MMP28: variants seen among roughly 807,000 people sequenced by gnomAD.
MMP28 encodes the protein matrix metallopeptidase 28.
In MMP28, 55 loss-of-function variants were observed where a neutral mutation model predicts 60.5. The observed-to-expected ratio is 0.91, with a 90% confidence interval of 0.73 to 1.14. The LOEUF is 1.14. Among genes scored for constraint, MMP28 ranks in the 50% most tolerant of loss-of-function variants. The pLI is 0.00. For missense variants in MMP28, 686 were observed against 738.3 expected (o/e 0.93, Z 0.82); for synonymous variants, 318 against 312.5 (o/e 1.02, Z -0.18).
In MMP28 at chr17:35,767,774, A is replaced by C; in HGVS notation, c.1146T>G (p.Asp382Glu). 1 of 1,570,528 alleles carries C rather than the reference A, an allele frequency of 6.4e-7. No individual in the cohort carries two copies. The highest frequency in any genetic ancestry group is 8.6e-7 in the Non-Finnish European group (1 of 1,158,162). ...TACCTTTGAAGAAGTAGAAATCTCC[A>C]TCATTCAATGACACTGCCGCAGCCT... The part of the protein sequence containing the change: ...NIEAAAVSLN[D>E]GDFYFFKGGR... The change falls in exon 7 of 8, where the codon GAT becomes GAG. Residue 382 changes from aspartate to glutamate, a missense_variant. By Grantham distance (45) the Asp-to-Glu change is conservative (BLOSUM62 2). Transcript: ENST00000605424.
intron 4 of MMP28, among the ~76,000 whole-genome samples, chr17:35,770,553 T>A (rs1555605232): frequency 6.6e-6 from 1 of 152,202 alleles, no homozygotes; most frequent in African/African-American, 2.4e-5. Flanking sequence ...GGTGTAGATA[T>A]GGCATGGGCC....
downstream of MMP28, among the ~76,000 whole-genome samples, chr17:35,761,623 G>A (rs1341834501): frequency 6.6e-6 from 1 of 152,094 alleles, no homozygotes; most frequent in Non-Finnish European, 1.5e-5. Context: ...ACCTGCTCCT[G>A]TTCAGACCTT....
chr17:35,790,629 G>A (rs948831309), intron 1 of MMP28, among the ~76,000 whole-genome samples: 1 of 151,950 alleles, frequency 6.6e-6, no homozygotes, highest in Admixed American at 6.6e-5. Flanking sequence ...GTTCCAAAAG[G>A]CCACATATAA....
At chr17:35,769,000 G>A (rs2086035513) in intron 5 of MMP28, among the ~76,000 whole-genome samples, 2 of 152,192 alleles carry the variant, frequency 1.3e-5, no homozygotes, top group Admixed American at 1.3e-4. Flanking sequence ...CAGGTGTCAT[G>A]AGGGCAGAGT....
Position 35,766,869 on chromosome 17 carries a change from GC to G in MMP28, c.1193del (p.Gly398AlafsTer154). The stretch of plus-strand genomic sequence containing the variant: ...GTGGGAGACCCCACACTGGCTTGGG[GC>G]CCCGGAACCTCCAGCATCGACCCCC... The part of the protein sequence containing the change: ...FKGGRCWRFR[G>X]PKPVWGLPQL... On this transcript the variant is annotated frameshift_variant, in exon 8 of 8. Transcript: ENST00000605424. LOFTEE classifies it high-confidence loss of function. This position sits in a 1 kb window ranked among gnomAD's most constrained non-coding sequence, Gnocchi z 4.3. 2 of 1,579,692 alleles carry G rather than the reference GC, an allele frequency of 1.3e-6. No homozygotes were observed. Among genetic ancestry groups the G allele is most frequent in the Admixed American group, 1.8e-5 (1 of 55,616 alleles).
intron 1 of MMP28, among the ~76,000 whole-genome samples, chr17:35,781,923 A>G (rs958764364): frequency 3.3e-5 from 5 of 151,632 alleles, no homozygotes; most frequent in African/African-American, 1.2e-4. Flanking sequence ...TGCAGTGGCT[A>G]TTCACTGGCA....
Position 35,759,868 on chromosome 17 carries a change from G to A in MMP28, c.266-3449C>T, listed in dbSNP as rs587728266. On this transcript the variant is annotated intron_variant, in intron 2 of 2. Transcript: ENST00000615317. ...ACAGGCCAAAGTTGCTGTGCCACGA[G>A]TAATAAAGTCCTTTGTCTCTGACTT... 2.6e-5 allele frequency among the ~76,000 whole-genome samples: 4 copies of A among 152,320 alleles called. No homozygotes were observed. In the East Asian group the frequency reaches 7.7e-4, roughly 29 times the overall value.
At chr17:35,762,142 T>C (rs2143086027), downstream of MMP28, among the ~76,000 whole-genome samples, 1 of 152,196 alleles carries the variant, frequency 6.6e-6, no homozygotes, top group South Asian at 2.1e-4. Context: ...AGGCATGCAC[T>C]GCCACGCCCA....
chr17:35,782,426 G>A (rs1177117076), intron 1 of MMP28, among the ~76,000 whole-genome samples: 2 of 152,106 alleles, frequency 1.3e-5, no homozygotes, highest in Non-Finnish European at 2.9e-5. Context: ...CACAAGTTGG[G>A]AATGAAGCTA....
chr17:35,770,321 G>T lies in MMP28; in HGVS notation c.605-9C>A. 1 of 1,496,198 alleles carries T rather than the reference G, an allele frequency of 6.7e-7. No individual in the cohort carries two copies. Among genetic ancestry groups the T allele is most frequent in the South Asian group, 1.3e-5 (1 of 75,290 alleles). The allele number at this position is 1,496,198 out of a possible 1,614,324, so 92.7% of individuals were successfully genotyped here. ...GTGCGCCAGGGCGCCCCCTGCAGGTGGGGCAGAAGGTCAGGGGGTGCCACG... is the reference window on the plus strand; with the variant it reads ...GTGCGCCAGGGCGCCCCCTGCAGGTTGGGCAGAAGGTCAGGGGGTGCCACG... On this transcript the variant is annotated splice_polypyrimidine_tract_variant and intron_variant, in intron 4 of 7. Transcript: ENST00000605424.
At chr17:35,786,879 T>C (rs2086668060) in intron 1 of MMP28, among the ~76,000 whole-genome samples, 1 of 151,996 alleles carries the variant, frequency 6.6e-6, no homozygotes, top group South Asian at 2.1e-4. Context: ...GGACAGGTGT[T>C]GCTATTCCCA....
intron 5 of MMP28, among the ~76,000 whole-genome samples, chr17:35,769,152 A>G (rs1012892742): frequency 4.6e-5 from 7 of 152,218 alleles, no homozygotes; most frequent in Non-Finnish European, 1.5e-5. Context: ...TCCTAGCTGC[A>G]TGACCCTGAG....
At chr17:35,779,647 CAG>C (rs2086441682) in intron 1 of MMP28, among the ~76,000 whole-genome samples, 1 of 152,152 alleles carries the variant, frequency 6.6e-6, no homozygotes, top group Admixed American at 6.5e-5. Flanking sequence ...CTAGGCAGTA[CAG>C]TAACAGGCTC....
intron 4 of MMP28, among the ~76,000 whole-genome samples, chr17:35,772,655 G>A (rs1598432904): frequency 1.3e-5 from 2 of 152,208 alleles, no homozygotes; most frequent in Admixed American, 6.5e-5. Context: ...GGAAAAGAGC[G>A]GTTTAAACTG....
exon 3 of MMP28, chr17:35,756,292 A>G: frequency 3.8e-6 from 2 of 523,286 alleles, no homozygotes; most frequent in Non-Finnish European, 4.9e-6. Context: ...GAGACAGATG[A>G]TCCAAAGTAG....
chr17:35,792,436 G>A (rs1234367786), intron 1 of MMP28, among the ~76,000 whole-genome samples: 2 of 152,110 alleles, frequency 1.3e-5, no homozygotes, highest in Non-Finnish European at 2.9e-5. Flanking sequence ...AGCCAGCATC[G>A]ACTGCCAAAT....
intron 1 of MMP28, among the ~76,000 whole-genome samples, chr17:35,784,098 C>T (rs191782482): frequency 9.0e-4 from 137 of 152,128 alleles, no homozygotes; most frequent in Admixed American, 1.5e-3. Context: ...CTGGCTAACA[C>T]GGTGAAACCC....
chr17:35,764,509 T>G (rs782560203), downstream of MMP28: 10 of 1,593,596 alleles, frequency 6.3e-6, no homozygotes, highest in African/African-American at 9.6e-5. Context: ...TGCTGCGAGC[T>G]CCTCTTCTGC....
rs1482655216 is a variant in MMP28 at position 35,768,422 on chromosome 17, G to C, written c.851-43C>G. 2.6e-6 allele frequency: 4 copies of C among 1,517,336 alleles called. No individual in the cohort carries two copies. The African/African-American group carries it at 4.2e-5, about 16-fold the overall frequency. 94.0% of individuals were successfully genotyped at this position (1,517,336 alleles called of 1,614,324 possible). A position where few individuals can be genotyped will look rare whatever the true frequency, so the allele number is the denominator to read the frequency against. On this transcript the variant is annotated intron_variant, in intron 5 of 7. Transcript: ENST00000605424. ...TAAGAGAGAGAGAGAACACACATAG[G>C]GTAGAGGGTATGCTGTGCACTCAAG...
Sources: gnomAD v4.1 joint callset for allele counts (sites outside exome capture counted in the v4.1 genomes callset) on GRCh38, gnomAD v4.1.1 for gene constraint, Gnocchi (gnomAD v3.1) non-coding constraint, MANE v1.5 for transcripts, NCBI Gene and HGNC (gene_info 2026-07-23, HGNC 2026-07-21) for gene names.